The following LOC128125818 variants were observed in gnomAD, a reference collection of about 807,000 sequenced individuals.
At chr4:6,068,328 A>G in the LOC128125818 span, among the ~76,000 whole-genome samples, 1 of 152,176 alleles carries the variant, frequency 6.6e-6, no homozygotes, top group African/African-American at 2.4e-5. Context: ...GTATCATATC[A>G]TATGGCCCCA....
chr4:6,069,854 G>A, the LOC128125818 span, among the ~76,000 whole-genome samples: 5 of 152,124 alleles, frequency 3.3e-5, no homozygotes, highest in African/African-American at 1.2e-4. This position sits in a 1 kb window ranked among gnomAD's most constrained non-coding sequence, Gnocchi z 4.5. Context: ...TTCCTCAGCG[G>A]GTCAGATGAA....
At chr4:6,068,381 G>C in the LOC128125818 span, among the ~76,000 whole-genome samples, 1 of 152,094 alleles carries the variant, frequency 6.6e-6, no homozygotes, top group Non-Finnish European at 1.5e-5. Flanking sequence ...GAGGGAAAGA[G>C]GAAGCAGCTC....
chr4:6,067,826 A>T, the LOC128125818 span, among the ~76,000 whole-genome samples: 1 of 148,678 alleles, frequency 6.7e-6, no homozygotes, highest in Non-Finnish European at 1.5e-5. The surrounding 1 kb of genome is among the most constrained non-coding windows in gnomAD (Gnocchi z 4.6). Flanking sequence ...CTCCACGTTC[A>T]CTCAAGCTCT....
chr4:6,068,390 T>A, the LOC128125818 span, among the ~76,000 whole-genome samples: 1 of 151,894 alleles, frequency 6.6e-6, no homozygotes, highest in East Asian at 1.9e-4. Flanking sequence ...AGGAAGCAGC[T>A]CTTAGAGCAG....
At chr4:6,066,957 C>T in the LOC128125818 span, among the ~76,000 whole-genome samples, 1 of 152,142 alleles carries the variant, frequency 6.6e-6, no homozygotes, top group Non-Finnish European at 1.5e-5. Context: ...CGCTCTTCCC[C>T]AGAATCCACA....
chr4:6,068,440 G>A, the LOC128125818 span, among the ~76,000 whole-genome samples: 1 of 152,110 alleles, frequency 6.6e-6, no homozygotes, highest in Non-Finnish European at 1.5e-5. Flanking sequence ...GAATCCTGCA[G>A]CAATGCAGAG....
chr4:6,069,007 C>G, the LOC128125818 span, among the ~76,000 whole-genome samples: 1 of 152,034 alleles, frequency 6.6e-6, no homozygotes, highest in Non-Finnish European at 1.5e-5. This position sits in a 1 kb window ranked among gnomAD's most constrained non-coding sequence, Gnocchi z 4.5. Flanking sequence ...TACTCGATTT[C>G]TCAATATATT....
the LOC128125818 span, chr4:6,070,021 A>G: frequency 2.5e-6 from 1 of 398,646 alleles, no homozygotes; most frequent in Non-Finnish European, 4.4e-6. Context: ...ACCGCCAGAG[A>G]ACCTCAAAAC....
chr4:6,067,063 C>T, the LOC128125818 span, among the ~76,000 whole-genome samples: 2 of 152,166 alleles, frequency 1.3e-5, no homozygotes, highest in Non-Finnish European at 2.9e-5. This position sits in a 1 kb window ranked among gnomAD's most constrained non-coding sequence, Gnocchi z 4.6. Context: ...CCTGCTTCAC[C>T]CCCGCCCCAG....
At chr4:6,067,129 G>A in the LOC128125818 span, among the ~76,000 whole-genome samples, 1 of 152,164 alleles carries the variant, frequency 6.6e-6, no homozygotes, top group Non-Finnish European at 1.5e-5. The surrounding 1 kb of genome is among the most constrained non-coding windows in gnomAD (Gnocchi z 4.6). Flanking sequence ...GCTGACGTAA[G>A]ATCTGGCAAG....
At chr4:6,065,399 G>A in the LOC128125818 span, among the ~76,000 whole-genome samples, 6 of 152,220 alleles carry the variant, frequency 3.9e-5, no homozygotes, top group East Asian at 1.9e-4. This position sits in a 1 kb window ranked among gnomAD's most constrained non-coding sequence, Gnocchi z 5.1. Context: ...ACTCCGTCAC[G>A]CTCCATGAGC....
the LOC128125818 span, among the ~76,000 whole-genome samples, chr4:6,068,519 C>A: frequency 6.6e-6 from 1 of 151,792 alleles, no homozygotes; most frequent in South Asian, 2.1e-4. Flanking sequence ...GACCCAACCC[C>A]TCAGGTTTTT....
At chr4:6,069,446 T>C in the LOC128125818 span, among the ~76,000 whole-genome samples, 1 of 152,202 alleles carries the variant, frequency 6.6e-6, no homozygotes, top group African/African-American at 2.4e-5. This position sits in a 1 kb window ranked among gnomAD's most constrained non-coding sequence, Gnocchi z 4.5. Context: ...TGAATCCAGA[T>C]TCAGATTAAG....
At chr4:6,065,105 T>A in the LOC128125818 span, 2 of 1,483,688 alleles carry the variant, frequency 1.3e-6, no homozygotes, top group Admixed American at 3.4e-5. The surrounding 1 kb of genome is among the most constrained non-coding windows in gnomAD (Gnocchi z 5.1). Context: ...GGGGTGATGA[T>A]TGACATTTGG....
the LOC128125818 span, chr4:6,065,109 C>A: frequency 7.0e-7 from 1 of 1,432,756 alleles, no homozygotes; most frequent in Non-Finnish European, 9.7e-7. This position sits in a 1 kb window ranked among gnomAD's most constrained non-coding sequence, Gnocchi z 5.1. Flanking sequence ...TGATGATTGA[C>A]ATTTGGGCCA....
the LOC128125818 span, among the ~76,000 whole-genome samples, chr4:6,067,656 C>T: frequency 2.3e-5 from 3 of 131,282 alleles, no homozygotes; most frequent in African/African-American, 8.5e-5. The surrounding 1 kb of genome is among the most constrained non-coding windows in gnomAD (Gnocchi z 4.6). Context: ...CACACACACA[C>T]AGGTCACCCC....
chr4:6,067,428 G>A, the LOC128125818 span, among the ~76,000 whole-genome samples: 1 of 152,166 alleles, frequency 6.6e-6, no homozygotes, highest in Non-Finnish European at 1.5e-5. This position sits in a 1 kb window ranked among gnomAD's most constrained non-coding sequence, Gnocchi z 4.6. Context: ...TCTCCTTGCA[G>A]AGGCTGGAGA....
the LOC128125818 span, among the ~76,000 whole-genome samples, chr4:6,067,487 C>A: frequency 1.3e-5 from 2 of 152,190 alleles, no homozygotes; most frequent in Non-Finnish European, 1.5e-5. This position sits in a 1 kb window ranked among gnomAD's most constrained non-coding sequence, Gnocchi z 4.6. Flanking sequence ...CACCCGACTT[C>A]AGGCATCATG....
the LOC128125818 span, among the ~76,000 whole-genome samples, chr4:6,068,382 G>A: frequency 6.6e-6 from 1 of 152,070 alleles, no homozygotes; most frequent in Non-Finnish European, 1.5e-5. Flanking sequence ...AGGGAAAGAG[G>A]AAGCAGCTCT....
Sources: gnomAD v4.1 joint callset for allele counts (sites outside exome capture counted in the v4.1 genomes callset) on GRCh38, gnomAD v4.1.1 for gene constraint, Gnocchi (gnomAD v3.1) non-coding constraint, MANE v1.5 for transcripts.